RBFOX2: variants seen among roughly 807,000 people sequenced by gnomAD.
RBFOX2 encodes the protein RNA binding protein fox-1 homolog 2.
RBFOX2 carries 10 observed loss-of-function variants against 49.1 expected under a neutral mutation model. That is an observed-to-expected ratio of 0.20 (90% CI 0.13 to 0.35). The LOEUF (loss-of-function observed/expected upper bound fraction) is 0.35, where lower values mean the gene tolerates loss of function less well. RBFOX2 is among the 10% of genes least tolerant of loss of function. The probability of loss-of-function intolerance (pLI) is 1.00; values close to 1 mark genes in which losing one functional copy is unlikely to be tolerated. For missense variants in RBFOX2, 323 were observed against 486.9 expected (o/e 0.66, Z 3.17); for synonymous variants, 183 against 187.4 (o/e 0.98, Z 0.19).
intron 1 of RBFOX2, among the ~76,000 whole-genome samples, chr22:35,967,759 A>G (rs2056647505): frequency 3.3e-5 from 5 of 152,190 alleles, no homozygotes. Context: ...GGACAAAGGC[A>G]TTTCCTTATT....
chr22:35,906,082 A>G (rs1417179389), intron 1 of RBFOX2, among the ~76,000 whole-genome samples: 1 of 152,198 alleles, frequency 6.6e-6, no homozygotes, highest in Non-Finnish European at 1.5e-5. Context: ...AAGTCACCTA[A>G]TGACACATTT....
chr22:36,028,611 C>T (rs1231636978), exon 1 of RBFOX2, among the ~76,000 whole-genome samples: 3 of 149,552 alleles, frequency 2.0e-5, no homozygotes, highest in East Asian at 1.9e-4. Context: ...CTTGCCTGAC[C>T]GCTTGCTCCC....
At chr22:35,807,483 C>T (rs1474987943) in intron 2 of RBFOX2, among the ~76,000 whole-genome samples, 1 of 151,740 alleles carries the variant, frequency 6.6e-6, no homozygotes, top group African/African-American at 2.4e-5. Flanking sequence ...AAGGAAACAA[C>T]ATACTCCTAT....
At chr22:36,024,425 T>C (rs1004186677) in intron 1 of RBFOX2, among the ~76,000 whole-genome samples, 6 of 152,112 alleles carry the variant, frequency 3.9e-5, no homozygotes, top group Non-Finnish European at 8.8e-5. Context: ...AGGGAAGGCT[T>C]CACAAAAGGA....
chr22:35,793,187 C>T lies in RBFOX2; in HGVS notation c.253-11441G>A, dbSNP rs1189133936. Among the ~76,000 whole-genome samples, 4 of 152,208 alleles carry T rather than the reference C, an allele frequency of 2.6e-5. No homozygotes were observed. The South Asian group carries it at 6.2e-4, about 24-fold the overall frequency. ...AGGAGTTCGAGACCAGCCTGGCCAA[C>T]GTGGTGAAACCCCATCTCTACTAAA... is the stretch of plus-strand genomic sequence containing the variant. On this transcript the variant is annotated intron_variant, in intron 2 of 11. Coordinates refer to ENST00000405409, the Ensembl canonical transcript of RBFOX2.
chr22:35,821,803 T>C (rs745587746), intron 1 of RBFOX2: 4 of 518,514 alleles, frequency 7.7e-6, no homozygotes, highest in Non-Finnish European at 7.7e-6. Flanking sequence ...GATCTACCCA[T>C]AGGACTGTAG....
intron 1 of RBFOX2, among the ~76,000 whole-genome samples, chr22:35,990,858 A>T (rs2057948066): frequency 6.6e-6 from 1 of 152,208 alleles, no homozygotes; most frequent in Non-Finnish European, 1.5e-5. Context: ...GCTTTTAAGG[A>T]ACAGGGAATT....
At chr22:36,017,318 G>A (rs997232202) in intron 1 of RBFOX2, among the ~76,000 whole-genome samples, 10 of 152,074 alleles carry the variant, frequency 6.6e-5, no homozygotes, top group African/African-American at 2.2e-4. Flanking sequence ...CATGATGTCA[G>A]GAGTTCGAGA....
At chr22:35,864,308 C>T (rs1385175464) in intron 1 of RBFOX2, among the ~76,000 whole-genome samples, 1 of 152,066 alleles carries the variant, frequency 6.6e-6, no homozygotes, top group Non-Finnish European at 1.5e-5. Context: ...TTCATAGTAC[C>T]TACCAGGGTT....
chr22:35,956,038 T>C (rs536077586), intron 1 of RBFOX2, among the ~76,000 whole-genome samples: 2 of 152,346 alleles, frequency 1.3e-5, no homozygotes, highest in East Asian at 3.9e-4. Flanking sequence ...ACTGTTAATA[T>C]AAAAATTCAT....
intron 1 of RBFOX2, among the ~76,000 whole-genome samples, chr22:35,875,612 GTGTGTGTGTGTGTGTGTGTGT>G (rs2044958674): frequency 1.7e-3 from 41 of 24,490 alleles, no homozygotes; most frequent in African/African-American, 4.6e-3. Flanking sequence ...ACAAGGGTGT[GTGTGTGTGTGTGTGTGTGTGT>G]GTGTGTGTGT....
intron 4 of RBFOX2, among the ~76,000 whole-genome samples, chr22:35,770,639 T>C (rs1465463075): frequency 6.6e-6 from 1 of 152,190 alleles, no homozygotes; most frequent in Admixed American, 6.5e-5. Context: ...AATCCTTCTA[T>C]CTTTTTTCAA....
At chr22:35,931,813 T>G (rs957233605) in intron 1 of RBFOX2, among the ~76,000 whole-genome samples, 1 of 152,132 alleles carries the variant, frequency 6.6e-6, no homozygotes, top group Non-Finnish European at 1.5e-5. Context: ...AGGTTGCATT[T>G]TTAAGGAATG....
intron 1 of RBFOX2, among the ~76,000 whole-genome samples, chr22:36,020,594 G>T (rs2059206307): frequency 6.6e-6 from 1 of 152,190 alleles, no homozygotes; most frequent in Non-Finnish European, 1.5e-5. Context: ...CAAAGGATAT[G>T]AACAGACACT....
chr22:35,985,962 C>T (rs1324473142), intron 1 of RBFOX2, among the ~76,000 whole-genome samples: 1 of 151,428 alleles, frequency 6.6e-6, no homozygotes, highest in Non-Finnish European at 1.5e-5. Flanking sequence ...ATAGAGTCTT[C>T]CTCATAATTC....
intron 1 of RBFOX2, among the ~76,000 whole-genome samples, chr22:35,876,505 A>C (rs2045108699): frequency 6.6e-6 from 1 of 152,174 alleles, no homozygotes; most frequent in Non-Finnish European, 1.5e-5. Flanking sequence ...AGCTCATCTT[A>C]CAGATGAAAG....
At chr22:35,761,363 A>G in intron 7 of RBFOX2, 52 bp downstream of exon 8, 1 of 1,610,148 alleles carries the variant, frequency 6.2e-7, no homozygotes, top group East Asian at 2.2e-5. Context: ...GAAAAACAGC[A>G]GATGCTATTA....
intron 5 of RBFOX2, among the ~76,000 whole-genome samples, chr22:35,767,382 A>T (rs2146587491): frequency 6.6e-6 from 1 of 152,324 alleles, no homozygotes; most frequent in African/African-American, 2.4e-5. Flanking sequence ...AACGGGCACC[A>T]TCGCCAGCAT....
At chr22:35,975,171 G>C (rs1256453127) in intron 1 of RBFOX2, among the ~76,000 whole-genome samples, 1 of 152,132 alleles carries the variant, frequency 6.6e-6, no homozygotes, top group Admixed American at 6.5e-5. Context: ...AAAGTATTCT[G>C]TCAAATTGCT....
Sources: allele counts gnomAD v4.1 joint callset (sites outside exome capture counted in the v4.1 genomes callset), GRCh38; gene constraint gnomAD v4.1.1; transcripts MANE v1.5; gene names NCBI Gene and HGNC (gene_info 2026-07-23, HGNC 2026-07-21).